The following RSRC1 variants were observed in gnomAD, a reference collection of about 807,000 sequenced individuals.
The protein encoded by RSRC1 is serine/Arginine-related protein 53.
Under a neutral mutation model 49.1 loss-of-function variants are expected in RSRC1, and 39 were observed. The observed-to-expected ratio is 0.79, with a 90% CI of 0.61 to 1.04. The LOEUF is 1.04. Among genes scored for constraint, RSRC1 ranks in the 50% least tolerant of loss-of-function variants. RSRC1 has a pLI of 0.00. For missense variants in RSRC1, 388 were observed against 402.4 expected (o/e 0.96, Z 0.31); for synonymous variants, 143 against 130.8 (o/e 1.09, Z -0.63).
intron 4 of RSRC1, among the ~76,000 whole-genome samples, chr3:158,205,952 A>G (rs566033362): frequency 6.6e-6 from 1 of 152,290 alleles, no homozygotes; most frequent in South Asian, 2.1e-4. Flanking sequence ...GCTAGATAGT[A>G]AATAATTTAG....
intron 5 of RSRC1, among the ~76,000 whole-genome samples, chr3:158,353,109 T>G (rs1343743174): frequency 6.6e-6 from 1 of 152,216 alleles, no homozygotes; most frequent in Non-Finnish European, 1.5e-5. Flanking sequence ...GTTTTACCAA[T>G]TAAATATTTC....
At chr3:158,124,560 T>G (rs1033044145) in intron 3 of RSRC1, among the ~76,000 whole-genome samples, 5 of 152,232 alleles carry the variant, frequency 3.3e-5, no homozygotes, top group African/African-American at 1.2e-4. Context: ...GGGCTTTTCT[T>G]TGTTAGAAGG....
intron 6 of RSRC1, among the ~76,000 whole-genome samples, chr3:158,438,431 A>G (rs1736170891): frequency 6.6e-6 from 1 of 152,194 alleles, no homozygotes; most frequent in East Asian, 1.9e-4. Context: ...ATACAAGGCT[A>G]CAGTAACCAA....
At chr3:158,135,727 A>G (rs1716333905) in intron 3 of RSRC1, among the ~76,000 whole-genome samples, 1 of 152,140 alleles carries the variant, frequency 6.6e-6, no homozygotes, top group South Asian at 2.1e-4. Context: ...AATGTTGACA[A>G]GGCTTTAAGT....
intron 6 of RSRC1, among the ~76,000 whole-genome samples, chr3:158,410,727 G>C (rs1409077311): frequency 6.6e-6 from 1 of 151,742 alleles, no homozygotes; most frequent in African/African-American, 2.4e-5. Flanking sequence ...ATTGCCCTTA[G>C]GATTTTTTTC....
At chr3:158,242,430 A>G (rs1279039219) in intron 4 of RSRC1, among the ~76,000 whole-genome samples, 1 of 151,878 alleles carries the variant, frequency 6.6e-6, no homozygotes, top group Non-Finnish European at 1.5e-5. Context: ...TATCAACCAC[A>G]TTTTCTTTAT....
chr3:158,253,420 G>A (rs1724341397), intron 4 of RSRC1, among the ~76,000 whole-genome samples: 1 of 151,914 alleles, frequency 6.6e-6, no homozygotes, highest in Admixed American at 6.6e-5. Flanking sequence ...TTATTCCACT[G>A]TAGTAAGAGA....
chr3:158,432,323 G>A (rs1431880778), intron 6 of RSRC1, among the ~76,000 whole-genome samples: 1 of 151,924 alleles, frequency 6.6e-6, no homozygotes, highest in African/African-American at 2.4e-5. Flanking sequence ...AATATTTTAA[G>A]CAAAGTGATG....
In RSRC1 at chr3:158,539,853, G is replaced by A. The variant is rs1576616732; in HGVS notation, c.759+2655G>A. ...CTTCTCAAAGAAATCTTAATGTACT[G>A]TGTACGTAAAAACAAGATGAGATTG... On this transcript the variant is annotated intron_variant, in intron 8 of 9. Transcript: ENST00000611884. This position sits in a 1 kb window ranked among gnomAD's most constrained non-coding sequence, Gnocchi z 4.1. Among the ~76,000 whole-genome samples the A allele has an allele frequency of 6.6e-6, 1 of 152,102 alleles. No individual in the cohort carries two copies. Among genetic ancestry groups the A allele is most frequent in the Non-Finnish European group, 1.5e-5 (1 of 68,002 alleles).
intron 4 of RSRC1, among the ~76,000 whole-genome samples, chr3:158,247,526 C>A (rs827178): frequency 0.48 from 72,315 of 151,846 alleles, 17,773 homozygotes; most frequent in East Asian, 0.64. Flanking sequence ...TCTTTGTGGG[C>A]TTATCTACCT....
At chr3:158,388,618 T>TG (rs1221635044) in intron 6 of RSRC1, among the ~76,000 whole-genome samples, 50 of 151,628 alleles carry the variant, frequency 3.3e-4, no homozygotes, top group African/African-American at 7.8e-4. Flanking sequence ...TTTTGTTTTT[T>TG]TTTTTTTTTT....
intron 5 of RSRC1, among the ~76,000 whole-genome samples, chr3:158,321,300 T>C (rs1728746178): frequency 6.6e-6 from 1 of 151,456 alleles, no homozygotes; most frequent in Non-Finnish European, 1.5e-5. Flanking sequence ...CCTCCTCCTC[T>C]TCTTCCTCTT....
At chr3:158,420,134 T>C (rs1017921805) in intron 6 of RSRC1, among the ~76,000 whole-genome samples, 13 of 151,956 alleles carry the variant, frequency 8.6e-5, no homozygotes, top group Non-Finnish European at 1.8e-4. Context: ...TTTTGGCAGG[T>C]GTGCTCACAG....
intron 3 of RSRC1, among the ~76,000 whole-genome samples, chr3:158,183,321 A>G (rs1197509387): frequency 2.0e-5 from 3 of 152,114 alleles, no homozygotes; most frequent in Non-Finnish European, 2.9e-5. Flanking sequence ...AACTAAAATG[A>G]CACTTTAAAG....
intron 7 of RSRC1, among the ~76,000 whole-genome samples, chr3:158,508,676 C>A (rs1027964589): frequency 2.6e-5 from 4 of 152,158 alleles, no homozygotes; most frequent in Non-Finnish European, 5.9e-5. Context: ...CTCACACCAT[C>A]ACACATGAAC....
intron 3 of RSRC1, among the ~76,000 whole-genome samples, chr3:158,140,861 T>C (rs575453100): frequency 6.6e-6 from 1 of 152,164 alleles, no homozygotes; most frequent in East Asian, 1.9e-4. Context: ...TGTCTAGTAG[T>C]GTTATATAAA....
intron 5 of RSRC1, among the ~76,000 whole-genome samples, chr3:158,341,350 A>G (rs1196748642): frequency 6.6e-6 from 1 of 152,100 alleles, no homozygotes; most frequent in Admixed American, 6.5e-5. Flanking sequence ...GGCCAGGTCC[A>G]GGTCCCTATG....
intron 4 of RSRC1, among the ~76,000 whole-genome samples, chr3:158,218,315 A>C (rs1033897087): frequency 6.6e-6 from 1 of 151,672 alleles, no homozygotes; most frequent in African/African-American, 2.4e-5. Flanking sequence ...GTAGCACAGT[A>C]ATCTAGGAGA....
intron 4 of RSRC1, chr3:158,276,495 GTC>G (rs1725825683): frequency 1.7e-6 from 1 of 573,668 alleles, no homozygotes; most frequent in African/African-American, 1.9e-5. Flanking sequence ...ATTAACATTT[GTC>G]TTTTTTTCAT....
Sources: gnomAD v4.1 joint callset for allele counts (sites outside exome capture counted in the v4.1 genomes callset) on GRCh38, gnomAD v4.1.1 for gene constraint, Gnocchi (gnomAD v3.1) non-coding constraint, MANE v1.5 for transcripts, NCBI Gene and HGNC (gene_info 2026-07-23, HGNC 2026-07-21) for gene names.